The following ARHGAP25 variants were observed in gnomAD, a reference collection of about 807,000 sequenced individuals.
ARHGAP25 encodes the protein rho GTPase-activating protein 25.
In ARHGAP25, 34 loss-of-function variants were observed where a neutral mutation model predicts 71.0. The ratio of observed to expected loss-of-function variants is 0.48; its 90% confidence interval spans 0.36 to 0.64. The LOEUF is 0.64. Among genes scored for constraint, ARHGAP25 ranks in the 30% least tolerant of loss-of-function variants. The pLI, the probability that ARHGAP25 is intolerant of heterozygous loss-of-function variation, is 0.00. For missense variants in ARHGAP25, 706 were observed against 805.1 expected (o/e 0.88, Z 1.49); for synonymous variants, 282 against 296.5 (o/e 0.95, Z 0.50).
chr2:68,710,685 T>G lies in ARHGAP25; in HGVS notation c.-31T>G, dbSNP rs368800132. 2.4e-3 allele frequency: 367 copies of G among 152,324 alleles called. 1 individual carries two copies. The highest frequency in any genetic ancestry group is 8.6e-3 in the African/African-American group (358 of 41,564). 9.4% of individuals were successfully genotyped at this position (152,324 alleles called of 1,614,324 possible). On this transcript the variant is annotated 5_prime_UTR_variant and NMD_transcript_variant, in exon 2 of 8. Transcript: ENST00000463483. ...CCCGCTCCATCTCCCTCCATAAATA[T>G]GTCTCTGCAGCAGGTGAGTGACAGC...
At chr2:68,756,998 G>A (rs761340642) in intron 1 of ARHGAP25, among the ~76,000 whole-genome samples, 5 of 152,002 alleles carry the variant, frequency 3.3e-5, no homozygotes, top group South Asian at 2.1e-4. Flanking sequence ...AAAGAAATGC[G>A]GGAGCTGAAA....
chr2:68,775,084 T>A, intron 1 of ARHGAP25, 137 bp from the exon 2 acceptor site: 1 of 1,562,642 alleles, frequency 6.4e-7, no homozygotes, highest in Non-Finnish European at 8.7e-7. Flanking sequence ...CTGGCTCAGA[T>A]CCGGACCCCT....
At chr2:68,779,330 C>G (rs944629923) in intron 2 of ARHGAP25, among the ~76,000 whole-genome samples, 3 of 152,158 alleles carry the variant, frequency 2.0e-5, no homozygotes, top group Non-Finnish European at 4.4e-5. Context: ...ATAGGATTTC[C>G]ACCACACAGA....
chr2:68,794,501 GC>G (rs1679402822), intron 4 of ARHGAP25, among the ~76,000 whole-genome samples: 1 of 152,088 alleles, frequency 6.6e-6, no homozygotes, highest in Non-Finnish European at 1.5e-5. Context: ...TTTATCATAT[GC>G]TTTTTCTGTG....
At chr2:68,759,268 AAGAG>A (rs1676660898) in intron 1 of ARHGAP25, among the ~76,000 whole-genome samples, 1 of 151,760 alleles carries the variant, frequency 6.6e-6, no homozygotes, top group Non-Finnish European at 1.5e-5. Flanking sequence ...ATATAAAAAT[AAGAG>A]AGAAAGTTAA....
intron 2 of ARHGAP25, among the ~76,000 whole-genome samples, chr2:68,728,492 C>A (rs1041760597): frequency 6.6e-6 from 1 of 151,672 alleles, no homozygotes; most frequent in African/African-American, 2.4e-5. Flanking sequence ...TGCCCATACC[C>A]AAGAGAGATG....
At chr2:68,761,395 C>G (rs1676807074) in intron 1 of ARHGAP25, among the ~76,000 whole-genome samples, 1 of 151,892 alleles carries the variant, frequency 6.6e-6, no homozygotes, top group African/African-American at 2.4e-5. Flanking sequence ...AATTAGACTT[C>G]TGAAAATTTA....
chr2:68,800,707 A>G (rs1201868245), intron 4 of ARHGAP25, among the ~76,000 whole-genome samples: 2 of 152,284 alleles, frequency 1.3e-5, no homozygotes, highest in East Asian at 1.9e-4. Flanking sequence ...CCTGACTCAA[A>G]TCTCAGTTTT....
chr2:68,807,453 A>G lies in ARHGAP25; in HGVS notation c.647A>G (p.Asp216Gly). The G allele has an allele frequency of 6.2e-7, 1 of 1,614,170 alleles. No individual in the cohort carries two copies. The highest frequency in any genetic ancestry group is 8.5e-7 in the Non-Finnish European group (1 of 1,180,024). ...GTGAAGCAGCTGAGAGACGCTTTTG[A>G]TGCTGGGGAGCGGCCCTCCTTTGAC... ...NLVKQLRDAF[D>G]AGERPSFDRD... is the part of the protein sequence containing the mutation. Residue 216 changes from aspartate (D) to glycine (G), a missense_variant, in exon 5 of 11, where the codon GAT (aspartate) becomes GGT (glycine). By Grantham distance (94) the Asp-to-Gly change is moderately conservative (BLOSUM62 -1). Coordinates refer to ENST00000409202, the MANE Select transcript of ARHGAP25 (RefSeq NM_001007231.3).
intron 1 of ARHGAP25, among the ~76,000 whole-genome samples, chr2:68,766,270 C>A (rs3969865): frequency 0.13 from 19,314 of 152,210 alleles, 1,684 homozygotes; most frequent in East Asian, 0.25. Flanking sequence ...TACACTAACG[C>A]CTGGGAAAGC....
At chr2:68,816,441 G>A (rs929224410) in intron 7 of ARHGAP25, 79 bp downstream of exon 7, 21 of 1,174,268 alleles carry the variant, frequency 1.8e-5, no homozygotes, top group African/African-American at 7.6e-5. Context: ...GAGGGACCAC[G>A]TCTGTGAACA....
intron 4 of ARHGAP25, among the ~76,000 whole-genome samples, chr2:68,789,510 A>G (rs17602799): frequency 0.058 from 8,885 of 152,298 alleles, 357 homozygotes; most frequent in Admixed American, 0.087. Flanking sequence ...GAAAGGGGAC[A>G]TTAGCATTGA....
intron 2 of ARHGAP25, among the ~76,000 whole-genome samples, chr2:68,720,356 GA>G (rs1308663642): frequency 2.4e-4 from 32 of 134,124 alleles, no homozygotes; most frequent in African/African-American, 6.4e-4. Context: ...AAAGAAAAAA[GA>G]AAAAAAAAAG....
chr2:68,746,709 C>CG (rs531509898), intron 1 of ARHGAP25, among the ~76,000 whole-genome samples: 1 of 145,852 alleles, frequency 6.9e-6, no homozygotes, highest in Non-Finnish European at 1.5e-5. Flanking sequence ...GACCACCCCC[C>CG]TCCCCATCCC....
intron 3 of ARHGAP25, among the ~76,000 whole-genome samples, chr2:68,786,206 A>G (rs1225051092): frequency 6.6e-6 from 1 of 152,168 alleles, no homozygotes; most frequent in Non-Finnish European, 1.5e-5. Context: ...GTTGCTCATG[A>G]CAGAACAAAA....
intron 1 of ARHGAP25, among the ~76,000 whole-genome samples, chr2:68,749,292 T>G (rs1239427325): frequency 6.6e-6 from 1 of 152,194 alleles, no homozygotes; most frequent in Non-Finnish European, 1.5e-5. Flanking sequence ...TGCACTGGGC[T>G]CTGCAAATTA....
At chr2:68,780,597 C>T (rs1678257890) in intron 2 of ARHGAP25, among the ~76,000 whole-genome samples, 1 of 150,160 alleles carries the variant, frequency 6.7e-6, no homozygotes, top group Non-Finnish European at 1.5e-5. Context: ...CTCCTCCTTC[C>T]CCTTCCCCCT....
At chr2:68,816,404 T>C (rs1276134203) in intron 7 of ARHGAP25, 42 bp downstream of exon 7, 7 of 1,521,492 alleles carry the variant, frequency 4.6e-6, no homozygotes, top group East Asian at 2.2e-5. Context: ...TTCAACCCCA[T>C]CAGAAAGAAG....
At chr2:68,730,346 G>A (rs184099316), upstream of ARHGAP25, among the ~76,000 whole-genome samples, 197 of 152,178 alleles carry the variant, frequency 1.3e-3, 1 homozygote, top group Non-Finnish European at 6.3e-4. Context: ...AACGAAAGAT[G>A]TTTTAAGAGT....
Sources: allele counts gnomAD v4.1 joint callset (sites outside exome capture counted in the v4.1 genomes callset), GRCh38; gene constraint gnomAD v4.1.1; transcripts MANE v1.5; gene names NCBI Gene and HGNC (gene_info 2026-07-23, HGNC 2026-07-21).